Variants in PTBP3 observed in about 807,000 individuals in gnomAD.
PTBP3 encodes polypyrimidine tract binding protein 3.
In PTBP3, 20 loss-of-function variants were observed where a neutral mutation model predicts 58.7. That is an observed-to-expected ratio of 0.34 (90% CI 0.24 to 0.50). The LOEUF (loss-of-function observed/expected upper bound fraction) is 0.50, where lower values mean the gene tolerates loss of function less well. Ranked by LOEUF, PTBP3 falls within the 20% of genes least tolerant of loss-of-function variation. The probability of loss-of-function intolerance (pLI) is 0.98; values close to 1 mark genes in which losing one functional copy is unlikely to be tolerated. For missense variants in PTBP3, 509 were observed against 637.2 expected (o/e 0.80, Z 2.17); for synonymous variants, 185 against 219.8 (o/e 0.84, Z 1.40).
intron 4 of PTBP3, among the ~76,000 whole-genome samples, chr9:112,263,410 A>C (rs1347192040): frequency 1.3e-5 from 2 of 152,212 alleles, no homozygotes; most frequent in African/African-American, 4.8e-5. Flanking sequence ...CAAGTGATCA[A>C]AGAGCCCATC....
At position 112,221,732 on chromosome 9, in the gene PTBP3, T is replaced by C. The variant is rs944690224; in HGVS notation, c.*2119A>G. On this transcript the variant is annotated 3_prime_UTR_variant, in exon 14 of 14. Transcript: ENST00000374257. ...ATCCATTTGAAAAGTCTTAACTTAG[T>C]ATCCCTCCTTTCTATTCTACCAACT... 10 of 985,170 alleles carry C rather than the reference T, an allele frequency of 1.0e-5. No homozygotes were observed. Among genetic ancestry groups the C allele is most frequent in the Non-Finnish European group, 1.1e-5 (9 of 829,680 alleles). The allele number at this position is 985,170 out of a possible 1,614,324, so 61.0% of individuals were successfully genotyped here.
chr9:112,285,665 T>A (rs2132254916), intron 2 of PTBP3, among the ~76,000 whole-genome samples: 1 of 152,356 alleles, frequency 6.6e-6, no homozygotes, highest in East Asian at 1.9e-4. Context: ...TATAACTGTG[T>A]TCAAATACAA....
chr9:112,309,159 G>A (rs954625093), intron 1 of PTBP3, among the ~76,000 whole-genome samples: 2 of 151,702 alleles, frequency 1.3e-5, no homozygotes, highest in Admixed American at 6.6e-5. Context: ...TACAAAAGAG[G>A]CTATCAAAAA....
Position 112,268,063 on chromosome 9 carries a change from G to C in PTBP3, c.337C>G (p.Leu113Val). 6.2e-7 allele frequency: 1 copy of C among 1,610,850 alleles called. No homozygotes were observed. Residue 113 changes from leucine to valine, a missense_variant, in exon 4 of 14, where the codon CTA (leucine) becomes GTA (valine). By Grantham distance (32) the Leu-to-Val change is conservative. Transcript: ENST00000374257. Reference protein sequence around the residue: ...SNHRELKTDNLPNQARAQAAL... With the variant: ...SNHRELKTDNVPNQARAQAAL... ...TTAATACTTACAGCTTGATTAGGTAGATTGTCAGTCTTAAGTTCTCTGTGA... is the reference window on the plus strand; with the variant it reads ...TTAATACTTACAGCTTGATTAGGTACATTGTCAGTCTTAAGTTCTCTGTGA...
At chr9:112,297,386 G>C (rs1009012340) in intron 2 of PTBP3, among the ~76,000 whole-genome samples, 3 of 152,090 alleles carry the variant, frequency 2.0e-5, no homozygotes, top group South Asian at 2.1e-4. Flanking sequence ...TGTATTTTTA[G>C]TAGAGACGGG....
At chr9:112,340,280 T>C in the PTBP3 span, among the ~76,000 whole-genome samples, 4 of 152,246 alleles carry the variant, frequency 2.6e-5, no homozygotes, top group South Asian at 2.1e-4. Flanking sequence ...GTATTAATAC[T>C]AAATTTGTAT....
intron 5 of PTBP3, among the ~76,000 whole-genome samples, chr9:112,260,847 C>T (rs930295161): frequency 2.0e-5 from 3 of 152,174 alleles, no homozygotes; most frequent in African/African-American, 7.2e-5. Context: ...CCAGCACTTG[C>T]TACTGAGGAC....
intron 3 of PTBP3, among the ~76,000 whole-genome samples, chr9:112,273,759 T>C (rs542796799): frequency 2.0e-5 from 3 of 152,306 alleles, no homozygotes; most frequent in East Asian, 1.9e-4. Context: ...ATTTGGCCCC[T>C]GACACTCCAT....
the PTBP3 span, among the ~76,000 whole-genome samples, chr9:112,360,078 T>C: frequency 6.6e-6 from 1 of 152,308 alleles, no homozygotes; most frequent in African/African-American, 2.4e-5. Context: ...CAGTTACTAA[T>C]TAAATAATGA....
chr9:112,291,917 T>C (rs1034314945), intron 2 of PTBP3, among the ~76,000 whole-genome samples: 72 of 150,490 alleles, frequency 4.8e-4, no homozygotes, highest in African/African-American at 1.8e-3. Flanking sequence ...AATAACAGAG[T>C]AAAAAGACAA....
chr9:112,333,675 C>G, upstream of PTBP3: 1 of 517,272 alleles, frequency 1.9e-6, no homozygotes, highest in Non-Finnish European at 3.3e-6. Flanking sequence ...CCCGCCTTCC[C>G]CACCCCGCGA....
At chr9:112,329,167 T>C (rs1481101607) in intron 1 of PTBP3, among the ~76,000 whole-genome samples, 1 of 152,082 alleles carries the variant, frequency 6.6e-6, no homozygotes, top group Non-Finnish European at 1.5e-5. Context: ...TCCTAGCACT[T>C]TGGGAGGCCA....
the PTBP3 span, among the ~76,000 whole-genome samples, chr9:112,370,377 A>C: frequency 6.6e-6 from 1 of 152,060 alleles, no homozygotes; most frequent in Non-Finnish European, 1.5e-5. Context: ...CCCTATCTCC[A>C]CCAGAAATAC....
At chr9:112,296,132 C>T (rs1362614687) in intron 2 of PTBP3, among the ~76,000 whole-genome samples, 3 of 151,970 alleles carry the variant, frequency 2.0e-5, no homozygotes, top group African/African-American at 7.3e-5. Flanking sequence ...GATTGGACGC[C>T]CCTGAATTCG....
intron 2 of PTBP3, among the ~76,000 whole-genome samples, chr9:112,290,738 A>ACACACACACACACACACACAC (rs1564438731): frequency 6.7e-6 from 1 of 148,494 alleles, no homozygotes. Context: ...ACACACACAC[A>ACACACACACACACACACACAC]ATCAAGTGTT....
At chr9:112,351,046 A>C in the PTBP3 span, among the ~76,000 whole-genome samples, 1 of 152,148 alleles carries the variant, frequency 6.6e-6, no homozygotes, top group African/African-American at 2.4e-5. Flanking sequence ...CAGCCTCCCA[A>C]AGTGCTGGGA....
chr9:112,305,666 C>A (rs556205004), intron 1 of PTBP3, among the ~76,000 whole-genome samples: 1 of 152,262 alleles, frequency 6.6e-6, no homozygotes, highest in Non-Finnish European at 1.5e-5. Flanking sequence ...TTCAGCCGGG[C>A]ACGGTGGCTC....
chr9:112,329,861 T>TTTC (rs768311591), intron 1 of PTBP3, among the ~76,000 whole-genome samples: 11 of 150,680 alleles, frequency 7.3e-5, no homozygotes, highest in Non-Finnish European at 1.6e-4. Flanking sequence ...TTTTTTTTTT[T>TTTC]CTGAGACAGT....
chr9:112,240,116 A>C (rs1395159400), intron 7 of PTBP3, among the ~76,000 whole-genome samples: 1 of 152,172 alleles, frequency 6.6e-6, no homozygotes, highest in Non-Finnish European at 1.5e-5. Flanking sequence ...AAGATTTGTC[A>C]AAAAGAAAAA....
Sources: allele counts gnomAD v4.1 joint callset (sites outside exome capture counted in the v4.1 genomes callset), GRCh38; gene constraint gnomAD v4.1.1; transcripts MANE v1.5; gene names NCBI Gene and HGNC (gene_info 2026-07-23, HGNC 2026-07-21).